The following GNAZ variants were observed in gnomAD, a reference collection of about 807,000 sequenced individuals.
The protein encoded by GNAZ is guanine nucleotide-binding protein G(z) subunit alpha.
A neutral mutation model predicts 25.4 loss-of-function variants in GNAZ; 3 were observed. The observed-to-expected ratio is 0.12, with a 90% CI of 0.05 to 0.30. The LOEUF (loss-of-function observed/expected upper bound fraction) is 0.30, where lower values mean the gene tolerates loss of function less well. Ranked by LOEUF, GNAZ falls within the 10% of genes least tolerant of loss-of-function variation. The pLI is 1.00. For missense variants in GNAZ, 241 were observed against 501.8 expected, an observed-to-expected ratio of 0.48 and a Z score of 4.97; for synonymous variants, 211 against 205.7, an observed-to-expected ratio of 1.03 and a Z score of -0.22.
At chr22:23,086,683 A>G (rs973011104) in intron 1 of GNAZ, among the ~76,000 whole-genome samples, 1 of 152,228 alleles carries the variant, frequency 6.6e-6, no homozygotes, top group African/African-American at 2.4e-5. Flanking sequence ...ATGTGTGGAA[A>G]TGGCTCCATG....
In GNAZ at chr22:23,104,858, G is replaced by A. The variant is rs143050869; in HGVS notation, c.723+8440G>A. 4.1e-3 allele frequency among the ~76,000 whole-genome samples: 628 copies of A among 152,338 alleles called. 4 individuals are homozygous for A. The highest frequency in any genetic ancestry group is 0.014 in the African/African-American group (599 of 41,576). ...CCACTGGCTCAGTCTAGTTTCTGGAGGGATTGGAATGACAGTCAGCTAGGG... is the reference window on the plus strand; with the variant it reads ...CCACTGGCTCAGTCTAGTTTCTGGAAGGATTGGAATGACAGTCAGCTAGGG... On this transcript the variant is annotated intron_variant, in intron 2 of 2. Coordinates refer to ENST00000615612, the MANE Select transcript of GNAZ (RefSeq NM_002073.4).
intron 2 of GNAZ, among the ~76,000 whole-genome samples, chr22:23,111,811 T>C (rs916205032): frequency 7.2e-5 from 11 of 152,166 alleles, no homozygotes; most frequent in African/African-American, 2.7e-4. Flanking sequence ...TAACCCTGTT[T>C]GTGACAGCCC....
At chr22:23,092,826 G>GC (rs2069021557) in intron 1 of GNAZ, among the ~76,000 whole-genome samples, 1 of 152,210 alleles carries the variant, frequency 6.6e-6, no homozygotes, top group African/African-American at 2.4e-5. Context: ...GACAGAAGGG[G>GC]CGCCTGGCTG....
chr22:23,109,706 C>T (rs906946416), intron 2 of GNAZ, among the ~76,000 whole-genome samples: 5 of 152,194 alleles, frequency 3.3e-5, no homozygotes, highest in Non-Finnish European at 5.9e-5. Context: ...GCTCACAGAA[C>T]CACGGGGGCA....
chr22:23,118,522 AG>A (rs1356951525), intron 2 of GNAZ, among the ~76,000 whole-genome samples: 1 of 150,210 alleles, frequency 6.7e-6, no homozygotes, highest in Non-Finnish European at 1.5e-5. Flanking sequence ...GGTGAAGGCA[AG>A]GAGGGCTTCT....
chr22:23,113,406 C>T (rs1051008952), intron 2 of GNAZ, among the ~76,000 whole-genome samples: 2 of 152,236 alleles, frequency 1.3e-5, no homozygotes, highest in African/African-American at 2.4e-5. Context: ...TGAGCTGTCT[C>T]GGATAGCCTC....
In GNAZ at chr22:23,071,801, C is replaced by T. The variant is rs779461947; in HGVS notation, c.-450+1231C>T. ...GACATTTGAACTGGAGCTTGAAGGACATGGGCACAGCTAAGCTGGGCATTG... is the reference window on the plus strand; with the variant it reads ...GACATTTGAACTGGAGCTTGAAGGATATGGGCACAGCTAAGCTGGGCATTG... On this transcript the variant is annotated intron_variant, in intron 1 of 2. Coordinates refer to ENST00000615612, the MANE Select transcript of GNAZ (RefSeq NM_002073.4). This position sits in a 1 kb window ranked among gnomAD's most constrained non-coding sequence, Gnocchi z 4.1. Among the ~76,000 whole-genome samples the T allele has an allele frequency of 1.3e-5, 2 of 152,168 alleles. No homozygotes were observed. The highest frequency in any genetic ancestry group is 2.9e-5 in the Non-Finnish European group (2 of 68,030).
intron 2 of GNAZ, among the ~76,000 whole-genome samples, chr22:23,096,781 A>T (rs1164961727): frequency 6.6e-6 from 1 of 152,208 alleles, no homozygotes; most frequent in Non-Finnish European, 1.5e-5. Context: ...CACCCCTGCA[A>T]CCCCATCTTG....
intron 2 of GNAZ, among the ~76,000 whole-genome samples, chr22:23,114,285 C>T (rs559955639): frequency 6.6e-6 from 1 of 152,342 alleles, no homozygotes; most frequent in African/African-American, 2.4e-5. Flanking sequence ...TGAACACTCC[C>T]AGCTTTTCTA....
chr22:23,096,211 C>A lies in GNAZ; in HGVS notation c.516C>A (p.Val172=), dbSNP rs758843916. The change falls in exon 2 of 3, where the codon GTC becomes GTA. Residue 172 remains valine, a synonymous_variant. Coordinates refer to ENST00000615612, the MANE Select transcript of GNAZ (RefSeq NM_002073.4). The part of the protein sequence containing the change: ...RIAAADYIPT[V]EDILRSRDMT... ...CCGCAGCTGACTATATCCCCACTGT[C>A]GAGGACATCCTGCGCTCCCGGGACA... 3.0e-5 allele frequency: 49 copies of A among 1,613,672 alleles called. No homozygotes were observed. Among genetic ancestry groups the A allele is most frequent in the Non-Finnish European group, 4.1e-5 (48 of 1,179,954 alleles).
At chr22:23,098,759 A>G (rs916140052) in intron 2 of GNAZ, among the ~76,000 whole-genome samples, 8 of 152,260 alleles carry the variant, frequency 5.3e-5, no homozygotes, top group Non-Finnish European at 8.8e-5. Context: ...CTGCAGAGGA[A>G]AGACAATCCC....
At chr22:23,090,308 G>A (rs2068935228) in intron 1 of GNAZ, among the ~76,000 whole-genome samples, 1 of 151,974 alleles carries the variant, frequency 6.6e-6, no homozygotes, top group Admixed American at 6.6e-5. Context: ...CCACCCAGCC[G>A]CCACTCCATC....
chr22:23,090,670 CCTT>C (rs1477551612), intron 1 of GNAZ, among the ~76,000 whole-genome samples: 1 of 152,210 alleles, frequency 6.6e-6, no homozygotes, highest in East Asian at 1.9e-4. Context: ...TTGCCTCCCT[CCTT>C]CACCACCTGT....
At chr22:23,116,092 C>T (rs1484801290) in intron 2 of GNAZ, among the ~76,000 whole-genome samples, 2 of 152,278 alleles carry the variant, frequency 1.3e-5, no homozygotes, top group Non-Finnish European at 2.9e-5. Flanking sequence ...GTGCTCACCA[C>T]GTGCCCAGGA....
intron 1 of GNAZ, among the ~76,000 whole-genome samples, chr22:23,077,546 G>T (rs1229030636): frequency 6.6e-6 from 1 of 152,170 alleles, no homozygotes; most frequent in Non-Finnish European, 1.5e-5. Flanking sequence ...GGATGGCCAC[G>T]GAAACAAGGT....
At chr22:23,092,949 T>C (rs913235379) in intron 1 of GNAZ, among the ~76,000 whole-genome samples, 1 of 152,206 alleles carries the variant, frequency 6.6e-6, no homozygotes, top group Non-Finnish European at 1.5e-5. Flanking sequence ...CCTGCTGGAA[T>C]GATGGTGCTG....
chr22:23,118,714 A>G (rs2069924165), intron 2 of GNAZ, among the ~76,000 whole-genome samples: 1 of 152,210 alleles, frequency 6.6e-6, no homozygotes, highest in Admixed American at 6.5e-5. Context: ...CTGATGGAGG[A>G]AGTCACTGCA....
chr22:23,081,132 C>T (rs894812999), intron 1 of GNAZ, among the ~76,000 whole-genome samples: 13 of 152,168 alleles, frequency 8.5e-5, no homozygotes, highest in African/African-American at 2.2e-4. Flanking sequence ...CAGTAAAAGC[C>T]GTGGTTAGGT....
intron 2 of GNAZ, among the ~76,000 whole-genome samples, chr22:23,107,903 G>T (rs1454878368): frequency 2.6e-5 from 4 of 152,330 alleles, no homozygotes; most frequent in South Asian, 2.1e-4. Context: ...ACACAGACCA[G>T]CTGTCACTGG....
Sources: gnomAD v4.1 joint callset for allele counts (sites outside exome capture counted in the v4.1 genomes callset) on GRCh38, gnomAD v4.1.1 for gene constraint, Gnocchi (gnomAD v3.1) non-coding constraint, MANE v1.5 for transcripts, NCBI Gene and HGNC (gene_info 2026-07-23, HGNC 2026-07-21) for gene names.